Variants in HACD4 observed in about 807,000 individuals in gnomAD.
HACD4 encodes the protein 3-hydroxyacyl-CoA dehydratase 4.
In HACD4, 35 loss-of-function variants were observed where a neutral mutation model predicts 33.3. The observed-to-expected ratio is 1.05, with a 90% CI of 0.80 to 1.39. The LOEUF (loss-of-function observed/expected upper bound fraction) is 1.39. Among genes scored for constraint, HACD4 ranks in the 40% most tolerant of loss-of-function variants. HACD4 has a pLI of 0.00. For synonymous variants in HACD4, 118 were observed against 98.0 expected, an observed-to-expected ratio of 1.20 and a Z score of -1.21; for missense variants, 323 against 276.5, an observed-to-expected ratio of 1.17 and a Z score of -1.19.
At chr9:21,013,274 T>C (rs903073947) in intron 4 of HACD4, among the ~76,000 whole-genome samples, 8 of 152,210 alleles carry the variant, frequency 5.3e-5, no homozygotes, top group Admixed American at 4.6e-4. Context: ...ACACCATTTG[T>C]TGAAAAAGAC....
At chr9:21,026,791 G>C in intron 2 of HACD4, 68 bp from the exon 3 acceptor site, 1 of 1,330,512 alleles carries the variant, frequency 7.5e-7, no homozygotes, top group East Asian at 2.3e-5. Flanking sequence ...AATTTATGCA[G>C]CACTTTGAAG....
intron 3 of HACD4, among the ~76,000 whole-genome samples, chr9:21,019,277 G>C (rs1180534207): frequency 6.6e-6 from 1 of 152,052 alleles, no homozygotes; most frequent in Non-Finnish European, 1.5e-5. Context: ...ATAGTTGAGA[G>C]CTCAAGAGCC....
At chr9:21,011,533 A>T in intron 5 of HACD4, 56 bp downstream of exon 5, 1 of 1,057,432 alleles carries the variant, frequency 9.5e-7, no homozygotes, top group South Asian at 1.3e-5. Context: ...TTAGTGAACC[A>T]TTATAACTAG....
At chr9:21,030,740 C>G (rs370755714) in intron 1 of HACD4, among the ~76,000 whole-genome samples, 4 of 152,180 alleles carry the variant, frequency 2.6e-5, no homozygotes, top group Admixed American at 6.5e-5. Context: ...AGATACATAT[C>G]GAAAGCAGTT....
chr9:21,010,359 T>C (rs1227666259), intron 5 of HACD4, among the ~76,000 whole-genome samples: 1 of 151,302 alleles, frequency 6.6e-6, no homozygotes, highest in East Asian at 1.9e-4. Context: ...ATAATTAGCC[T>C]ACTCATACTC....
rs1476839006 is a variant in HACD4 at position 21,003,652 on chromosome 9, T to G, written c.*3385A>C. 1.3e-5 allele frequency: 2 copies of G among 152,328 alleles called. No individual in the cohort carries two copies. The highest frequency in any genetic ancestry group is 4.8e-5 in the African/African-American group (2 of 41,588). The allele number at this position is 152,328 out of a possible 1,614,324, so 9.4% of individuals were successfully genotyped here. A position where few individuals can be genotyped will look rare whatever the true frequency, so the allele number is the denominator to read the frequency against. On this transcript the variant is annotated 3_prime_UTR_variant, in exon 7 of 7. Transcript: ENST00000495827. ...AAATTACATTTTTATTATCCTATTC[T>G]TACATCACAATATATTTAATACCTT...
intron 5 of HACD4, 104 bp downstream of exon 5, chr9:21,011,485 A>C (rs1335645691): frequency 5.5e-6 from 4 of 724,572 alleles, no homozygotes; most frequent in Non-Finnish European, 9.8e-6. Flanking sequence ...TGAGTGAGCT[A>C]AGCATTCGCA....
At chr9:21,031,384 G>T (rs945722061) in intron 1 of HACD4, 169 bp downstream of exon 1, 2 of 872,426 alleles carry the variant, frequency 2.3e-6, no homozygotes, top group Non-Finnish European at 2.8e-6. Context: ...GTCAAGAGGG[G>T]TAAGTTAGCA....
Position 21,006,664 on chromosome 9 carries a change from A to G in HACD4, c.*373T>C. ...CTATTTGGGAACTTGGAAGTGAAAA[A>G]GAATACATGTAATTTAGGTTATCAA... is the stretch of plus-strand genomic sequence containing the variant. On this transcript the variant is annotated 3_prime_UTR_variant, in exon 7 of 7. Transcript: ENST00000495827. The surrounding 1 kb of genome is among the most constrained non-coding windows in gnomAD (Gnocchi z 4.6). 4.2e-6 allele frequency: 1 copy of G among 238,372 alleles called. No individual in the cohort carries two copies. The highest frequency in any genetic ancestry group is 8.2e-6 in the Non-Finnish European group (1 of 122,450). 14.8% of individuals were successfully genotyped at this position (238,372 alleles called of 1,614,324 possible). A position where few individuals can be genotyped will look rare whatever the true frequency, so the allele number is the denominator to read the frequency against.
At position 21,008,061 on chromosome 9, in the gene HACD4, G is replaced by T. The variant is rs768809357; in HGVS notation, c.576C>A (p.Phe192Leu). The T allele has an allele frequency of 1.9e-6, 3 of 1,609,270 alleles. No homozygotes were observed. Among genetic ancestry groups the T allele is most frequent in the African/African-American group, 1.3e-5 (1 of 74,650 alleles). Residue 192 changes from phenylalanine (F) to leucine (L), a missense_variant, in exon 6 of 7, where the codon TTC (phenylalanine) becomes TTA (leucine). Coordinates refer to ENST00000495827, the MANE Select transcript of HACD4 (RefSeq NM_001010915.5). ...TGAGATATATTTTCAGCACATATGGGAAATAGATGGATAAGTCAAAGGGCA... is the reference window on the plus strand; with the variant it reads ...TGAGATATATTTTCAGCACATATGGTAAATAGATGGATAAGTCAAAGGGCA... ...TKLPFDLSIY[F>L]PYVLKIYLMM...
intron 5 of HACD4, among the ~76,000 whole-genome samples, chr9:21,009,376 G>C (rs1291819111): frequency 6.6e-6 from 1 of 152,120 alleles, no homozygotes; most frequent in East Asian, 1.9e-4. Flanking sequence ...AAAGAATAAG[G>C]GTTGTATGGC....
At chr9:21,010,456 A>ATCCCCCCCCCCCC (rs1353043927) in intron 5 of HACD4, among the ~76,000 whole-genome samples, 2 of 105,000 alleles carry the variant, frequency 1.9e-5, no homozygotes, top group African/African-American at 8.9e-5. Context: ...ACATCCTGGT[A>ATCCCCCCCCCCCC]CCCCCCCCCC....
In HACD4 at chr9:21,002,869, G is replaced by C. The variant is rs78688798; in HGVS notation, c.*4168C>G. 4 of 152,232 alleles carry C rather than the reference G, an allele frequency of 2.6e-5. No individual in the cohort carries two copies. The highest frequency in any genetic ancestry group is 2.6e-4 in the Admixed American group (4 of 15,292). The allele number at this position is 152,232 out of a possible 1,614,324, so 9.4% of individuals were successfully genotyped here. A position where few individuals can be genotyped will look rare whatever the true frequency, so the allele number is the denominator to read the frequency against. ...GAAATAGGGATTTGGTGAACATACA[G>C]TTAAGACAGATAGTCAAAGACATCA... On this transcript the variant is annotated 3_prime_UTR_variant, in exon 7 of 7. Coordinates refer to ENST00000495827, the MANE Select transcript of HACD4 (RefSeq NM_001010915.5).
intron 1 of HACD4, 146 bp from the exon 2 acceptor site, chr9:21,029,544 C>G: frequency 2.1e-6 from 1 of 474,492 alleles, no homozygotes; most frequent in Non-Finnish European, 3.8e-6. Context: ...CCCCCAAGTA[C>G]ATATCAGATT....
Position 21,015,950 on chromosome 9 carries a change from T to G in HACD4, c.331A>C (p.Lys111Gln). 1.2e-6 allele frequency: 2 copies of G among 1,613,432 alleles called. No individual in the cohort carries two copies. The highest frequency in any genetic ancestry group is 1.7e-6 in the Non-Finnish European group (2 of 1,179,554). ...ACGAATAAAACACACACCACATATT[T>G]CTCTTGGACTTCCTCTTGACTGGTG... ...VITSQEEVQEKYVVCVLFVFW... is the reference protein window; with the variant it reads ...VITSQEEVQEQYVVCVLFVFW... Residue 111 changes from lysine to glutamine, a missense_variant, in exon 4 of 7, where the codon AAA (lysine) becomes CAA (glutamine). Transcript: ENST00000495827.
chr9:21,021,282 G>A (rs1817905546), intron 3 of HACD4, among the ~76,000 whole-genome samples: 2 of 152,036 alleles, frequency 1.3e-5, no homozygotes, highest in African/African-American at 2.4e-5. Flanking sequence ...ATACTGAATT[G>A]GCAAAAACTG....
In HACD4 at chr9:21,006,497, G is replaced by A. The variant is rs1173496009; in HGVS notation, c.*540C>T. On this transcript the variant is annotated 3_prime_UTR_variant, in exon 7 of 7. Coordinates refer to ENST00000495827, the MANE Select transcript of HACD4 (RefSeq NM_001010915.5). This position sits in a 1 kb window ranked among gnomAD's most constrained non-coding sequence, Gnocchi z 4.6. ...TATAGCAACCTGAGCTAAGACATAGGGCTTGGAAAGATATTTAATTTTCTA... is the reference window on the plus strand; with the variant it reads ...TATAGCAACCTGAGCTAAGACATAGAGCTTGGAAAGATATTTAATTTTCTA... The A allele has an allele frequency of 6.1e-6, 1 of 164,662 alleles. No homozygotes were observed. The highest frequency in any genetic ancestry group is 1.3e-5 in the Non-Finnish European group (1 of 77,452). The allele number at this position is 164,662 out of a possible 1,614,324, so 10.2% of individuals were successfully genotyped here.
At position 21,031,624 on chromosome 9, in the gene HACD4, A is replaced by T. The variant is rs1406278207; in HGVS notation, c.-34T>A. On this transcript the variant is annotated 5_prime_UTR_variant, in exon 1 of 7. Coordinates refer to ENST00000495827, the MANE Select transcript of HACD4 (RefSeq NM_001010915.5). ...GCCGCCAGGGCTTCCAGCGCGGTCC[A>T]GGAAGGAGTACCGGGGAGGAGGCAG... is the stretch of plus-strand genomic sequence containing the variant. 10 of 1,379,596 alleles carry T rather than the reference A, an allele frequency of 7.2e-6. No homozygotes were observed. In the East Asian group the frequency reaches 2.5e-4, roughly 34 times the overall value. 85.5% of individuals were successfully genotyped at this position (1,379,596 alleles called of 1,614,324 possible). A position where few individuals can be genotyped will look rare whatever the true frequency, so the allele number is the denominator to read the frequency against.
intron 5 of HACD4, among the ~76,000 whole-genome samples, chr9:21,008,926 G>C (rs1842341409): frequency 6.6e-6 from 1 of 152,064 alleles, no homozygotes; most frequent in Admixed American, 6.6e-5. Flanking sequence ...AAAAGAGAAA[G>C]ATGAAGAAAA....
Sources: allele counts gnomAD v4.1 joint callset (sites outside exome capture counted in the v4.1 genomes callset), GRCh38; gene constraint gnomAD v4.1.1; non-coding constraint Gnocchi (gnomAD v3.1); transcripts MANE v1.5; gene names NCBI Gene and HGNC (gene_info 2026-07-23, HGNC 2026-07-21).